FMN2: variants seen among roughly 807,000 people sequenced by gnomAD.
The protein encoded by FMN2 is formin 2.
A neutral mutation model predicts 142.3 loss-of-function variants in FMN2; 51 were observed. That is an observed-to-expected ratio of 0.36 (90% CI 0.29 to 0.45). The LOEUF (loss-of-function observed/expected upper bound fraction) is 0.45, where lower values mean the gene tolerates loss of function less well. FMN2 is among the 20% of genes least tolerant of loss of function. FMN2 has a pLI of 1.00. For synonymous variants in FMN2, 882 were observed against 869.8 expected, an observed-to-expected ratio of 1.01 and a Z score of -0.25; for missense variants, 1,936 against 2,122.8, an observed-to-expected ratio of 0.91 and a Z score of 1.73.
intron 4 of FMN2, among the ~76,000 whole-genome samples, chr1:240,197,037 T>C (rs1020558965): frequency 1.3e-5 from 2 of 152,202 alleles, no homozygotes; most frequent in African/African-American, 4.8e-5. Context: ...CTGTTTGTTG[T>C]CTGGTAACTT....
intron 14 of FMN2, among the ~76,000 whole-genome samples, chr1:240,388,557 G>GA (rs1232887379): frequency 2.0e-5 from 3 of 152,028 alleles, no homozygotes; most frequent in Non-Finnish European, 4.4e-5. Context: ...AGAGATCTGG[G>GA]ATGCCCTTGG....
chr1:240,400,695 T>C (rs891460446), intron 15 of FMN2: 2 of 152,168 alleles, frequency 1.3e-5, no homozygotes, highest in African/African-American at 4.8e-5. Flanking sequence ...TGGCTCACCA[T>C]ATGTACTCTC....
intron 14 of FMN2, among the ~76,000 whole-genome samples, chr1:240,370,541 A>G (rs1228210328): frequency 6.6e-6 from 1 of 152,140 alleles, no homozygotes. Context: ...CGAAATGTTG[A>G]GCTGCTGGGT....
At chr1:240,139,950 T>A (rs1487389838) in intron 2 of FMN2, among the ~76,000 whole-genome samples, 2 of 152,132 alleles carry the variant, frequency 1.3e-5, no homozygotes, top group African/African-American at 4.8e-5. Context: ...GGAGCCAAGA[T>A]TCTCAAGGTC....
intron 15 of FMN2, among the ~76,000 whole-genome samples, chr1:240,426,153 G>T (rs533894689): frequency 6.6e-6 from 1 of 152,248 alleles, no homozygotes; most frequent in African/African-American, 2.4e-5. Flanking sequence ...GCTATTTTAG[G>T]ATAATTACTA....
intron 8 of FMN2, among the ~76,000 whole-genome samples, chr1:240,306,946 C>G (rs770329717): frequency 6.6e-6 from 1 of 152,186 alleles, no homozygotes; most frequent in Non-Finnish European, 1.5e-5. Flanking sequence ...GCCATTCTCA[C>G]TGGTGTGAGA....
chr1:240,304,473 T>G (rs904448778), intron 8 of FMN2, among the ~76,000 whole-genome samples: 1 of 152,236 alleles, frequency 6.6e-6, no homozygotes, highest in African/African-American at 2.4e-5. Context: ...AAGTGGTCAC[T>G]TTCTAATTTT....
intron 7 of FMN2, among the ~76,000 whole-genome samples, chr1:240,292,227 G>T (rs546131102): frequency 6.6e-6 from 1 of 152,146 alleles, no homozygotes; most frequent in South Asian, 2.1e-4. Flanking sequence ...TTTTGGACTT[G>T]GAACCAAGAA....
At chr1:240,407,035 A>T (rs891934914) in intron 15 of FMN2, among the ~76,000 whole-genome samples, 4 of 152,162 alleles carry the variant, frequency 2.6e-5, no homozygotes, top group Admixed American at 6.5e-5. Flanking sequence ...ATGTGGGTAA[A>T]CTTTAAAAGT....
chr1:240,336,534 A>AGGACTTCATG (rs1393243864), intron 13 of FMN2, among the ~76,000 whole-genome samples: 1 of 136,572 alleles, frequency 7.3e-6, no homozygotes, highest in Non-Finnish European at 1.5e-5. Context: ...TAAAGTTAAA[A>AGGACTTCATG]GGACTTCATG....
At chr1:240,222,656 CT>C (rs1439912701) in intron 6 of FMN2, among the ~76,000 whole-genome samples, 1 of 152,126 alleles carries the variant, frequency 6.6e-6, no homozygotes, top group Non-Finnish European at 1.5e-5. Context: ...TTTGTGACCT[CT>C]CTTGTTTCCT....
At chr1:240,238,522 G>C (rs928242736) in intron 6 of FMN2, among the ~76,000 whole-genome samples, 1 of 152,108 alleles carries the variant, frequency 6.6e-6, no homozygotes, top group Non-Finnish European at 1.5e-5. Flanking sequence ...ATAGGCTCCT[G>C]CGTGACTTAT....
chr1:240,307,158 T>C (rs1670436834), intron 8 of FMN2, among the ~76,000 whole-genome samples: 1 of 152,246 alleles, frequency 6.6e-6, no homozygotes, highest in Non-Finnish European at 1.5e-5. Context: ...CTTTGTCAGA[T>C]GCATAGTTTG....
intron 6 of FMN2, among the ~76,000 whole-genome samples, chr1:240,226,211 GATAAAC>G (rs1667292201): frequency 6.7e-6 from 1 of 149,726 alleles, no homozygotes; most frequent in Non-Finnish European, 1.5e-5. Context: ...ATTCCTCATA[GATAAAC>G]ATAAAGAGAT....
At chr1:240,123,034 A>G in intron 1 of FMN2, 145 bp from the exon 2 acceptor site, 1 of 838,374 alleles carries the variant, frequency 1.2e-6, no homozygotes, top group East Asian at 2.7e-5. Flanking sequence ...GCTTTCTCCT[A>G]GCTTGAGAGG....
At chr1:240,191,846 A>T (rs1572042301) in intron 4 of FMN2, among the ~76,000 whole-genome samples, 1 of 152,334 alleles carries the variant, frequency 6.6e-6, no homozygotes, top group East Asian at 1.9e-4. Context: ...GGGAAATAGA[A>T]TAACATTTTG....
chr1:240,194,955 T>C (rs889570883), intron 4 of FMN2, among the ~76,000 whole-genome samples: 8 of 152,172 alleles, frequency 5.3e-5, no homozygotes, highest in Admixed American at 2.6e-4. Flanking sequence ...ACATTTTTTT[T>C]TTGTGAGTTT....
intron 7 of FMN2, among the ~76,000 whole-genome samples, chr1:240,277,525 CTTTTTT>C (rs34678861): frequency 8.0e-4 from 53 of 66,140 alleles, no homozygotes; most frequent in Middle Eastern, 0.013. Flanking sequence ...GCATCTTCTT[CTTTTTT>C]TTTTTTTTTT....
chr1:240,117,546 A>G (rs1462806566), intron 1 of FMN2, among the ~76,000 whole-genome samples: 1 of 152,200 alleles, frequency 6.6e-6, no homozygotes, highest in East Asian at 1.9e-4. Context: ...TAGTGATAGA[A>G]CATGGAATTT....
Sources: gnomAD v4.1 joint callset for allele counts (sites outside exome capture counted in the v4.1 genomes callset) on GRCh38, gnomAD v4.1.1 for gene constraint, MANE v1.5 for transcripts, NCBI Gene and HGNC (gene_info 2026-07-23, HGNC 2026-07-21) for gene names.